Variants in CARS1 observed in about 807,000 individuals in gnomAD.
CARS1 encodes the protein cysteine--tRNA ligase, cytoplasmic.
A neutral mutation model predicts 106.2 loss-of-function variants in CARS1; 48 were observed. The ratio of observed to expected loss-of-function variants is 0.45; its 90% CI spans 0.36 to 0.57. The LOEUF is 0.57. Ranked by LOEUF, CARS1 falls within the 20% of genes least tolerant of loss-of-function variation. CARS1 has a pLI of 0.00. For synonymous variants in CARS1, 409 were observed against 403.4 expected, an observed-to-expected ratio of 1.01 and a Z score of -0.17; for missense variants, 968 against 1,057.2, an observed-to-expected ratio of 0.92 and a Z score of 1.17.
At chr11:3,005,292 A>G in intron 20 of CARS1, 74 bp downstream of exon 20, 1 of 1,131,854 alleles carries the variant, frequency 8.8e-7, no homozygotes, top group Non-Finnish European at 1.3e-6. Flanking sequence ...CTTAAAAAGT[A>G]AACTATGTAA....
rs1855544996 is a variant in CARS1, at chr11:3,050,427, T to G, written c.26-2426A>C. Among the ~76,000 whole-genome samples, 1 of 152,086 alleles carries G rather than the reference T, an allele frequency of 6.6e-6. No homozygotes were observed. Among genetic ancestry groups the G allele is most frequent in the South Asian group, 2.1e-4 (1 of 4,824 alleles). On this transcript the variant is annotated intron_variant, in intron 1 of 22. Coordinates refer to ENST00000380525, the MANE Select transcript of CARS1 (RefSeq NM_001014437.3). The surrounding 1 kb of genome is among the most constrained non-coding windows in gnomAD (Gnocchi z 6.3). ...TACAAGTTATCCTTAGGAGCACCCA[T>G]AGCCAACCCACGGGAGGATCCGGGG...
rs1365646285 is a variant in CARS1 at position 3,045,409 on chromosome 11, C to T, written c.274+2344G>A. Among the ~76,000 whole-genome samples, 1 of 152,128 alleles carries T rather than the reference C, an allele frequency of 6.6e-6. No individual in the cohort carries two copies. Among genetic ancestry groups the T allele is most frequent in the African/African-American group, 2.4e-5 (1 of 41,426 alleles). ...CCTCCCGAGTAGCTGGGACTATAGG[C>T]ACCCGCCATCACGCCCGGCTAATTT... On this transcript the variant is annotated intron_variant, in intron 2 of 22. Coordinates refer to ENST00000380525, the MANE Select transcript of CARS1 (RefSeq NM_001014437.3). This position sits in a 1 kb window ranked among gnomAD's most constrained non-coding sequence, Gnocchi z 5.6.
In CARS1 at chr11:3,048,143, G is replaced by GC; in HGVS notation, c.26-143dup. ...CCTGGACGCCAAACATCCAGAACAGGCAAAGGCACAGGGGCAGCGCTTCGA... is the reference window on the plus strand; with the variant it reads ...CCTGGACGCCAAACATCCAGAACAGGCCAAAGGCACAGGGGCAGCGCTTCGA... On this transcript the variant is annotated intron_variant, in intron 1 of 22. Coordinates refer to ENST00000380525, the MANE Select transcript of CARS1 (RefSeq NM_001014437.3). This position sits in a 1 kb window ranked among gnomAD's most constrained non-coding sequence, Gnocchi z 5.1. The GC allele has an allele frequency of 1.9e-6, 2 of 1,029,766 alleles. No individual in the cohort carries two copies. Among genetic ancestry groups the GC allele is most frequent in the Non-Finnish European group, 2.8e-6 (2 of 723,900 alleles). The allele number at this position is 1,029,766 out of a possible 1,614,324, so 63.8% of individuals were successfully genotyped here.
In CARS1 at chr11:3,029,632, T is replaced by C; in HGVS notation, c.802-189A>G. 3.4e-6 allele frequency: 2 copies of C among 591,518 alleles called. No individual in the cohort carries two copies. The highest frequency in any genetic ancestry group is 4.7e-5 in the South Asian group (2 of 42,736). 36.6% of individuals were successfully genotyped at this position (591,518 alleles called of 1,614,324 possible). A position where few individuals can be genotyped will look rare whatever the true frequency, so the allele number is the denominator to read the frequency against. ...CTCGGCAGGGACAAATACAAGACTCTACAAATGGGCAGGTCTCACATGAAC... is the reference window on the plus strand; with the variant it reads ...CTCGGCAGGGACAAATACAAGACTCCACAAATGGGCAGGTCTCACATGAAC... On this transcript the variant is annotated intron_variant, in intron 7 of 22. Transcript: ENST00000380525. This position sits in a 1 kb window ranked among gnomAD's most constrained non-coding sequence, Gnocchi z 5.9.
intron 1 of CARS1, among the ~76,000 whole-genome samples, chr11:3,051,468 G>C (rs1245736896): frequency 6.6e-6 from 1 of 152,138 alleles, no homozygotes; most frequent in Non-Finnish European, 1.5e-5. Flanking sequence ...GGACGGAGGC[G>C]GAGGCAGACC....
intron 18 of CARS1, 77 bp from the exon 19 acceptor site, chr11:3,007,036 G>A (rs185108599): frequency 1.3e-3 from 1,541 of 1,197,162 alleles, no homozygotes; most frequent in Non-Finnish European, 1.7e-3. Flanking sequence ...TCCAGTGCTG[G>A]GGAAGGAGGG....
rs1177752708 is a variant in CARS1, at chr11:3,019,823, C to G, written c.1266+397G>C. Among the ~76,000 whole-genome samples, 1 of 152,180 alleles carries G rather than the reference C, an allele frequency of 6.6e-6. No homozygotes were observed. The highest frequency in any genetic ancestry group is 1.5e-5 in the Non-Finnish European group (1 of 68,030). On this transcript the variant is annotated intron_variant, in intron 11 of 22. Transcript: ENST00000380525. This position sits in a 1 kb window ranked among gnomAD's most constrained non-coding sequence, Gnocchi z 6.2. ...TACATCCAGACCTCTGAGCCCTTGA[C>G]AGCTGCAGATGGTCACGCCCCTTCC...
intron 2 of CARS1, among the ~76,000 whole-genome samples, chr11:3,047,005 C>T (rs895474401): frequency 5.3e-5 from 8 of 152,224 alleles, no homozygotes; most frequent in African/African-American, 1.7e-4. Context: ...CGGCCGGGCG[C>T]GGTGGTTCAC....
intron 10 of CARS1, among the ~76,000 whole-genome samples, chr11:3,023,381 AACATACAT>A (rs539702382): frequency 1.3e-5 from 2 of 152,118 alleles, no homozygotes; most frequent in African/African-American, 4.8e-5. Flanking sequence ...TTGTTATTCA[AACATACAT>A]ACATACATAC....
rs1849599640 is a variant in CARS1 at position 3,003,655 on chromosome 11, G to T, written c.2218-1055C>A. On this transcript the variant is annotated intron_variant, in intron 20 of 22. Coordinates refer to ENST00000380525, the MANE Select transcript of CARS1 (RefSeq NM_001014437.3). This position sits in a 1 kb window ranked among gnomAD's most constrained non-coding sequence, Gnocchi z 4.8. ...GGATCGAGCTCTTTCGAGATAGATG[G>T]AGGGAGAGCAGGGCTGGCCGAGGGA... is the stretch of plus-strand genomic sequence containing the variant. Among the ~76,000 whole-genome samples the T allele has an allele frequency of 6.6e-6, 1 of 152,176 alleles. No individual in the cohort carries two copies.
In CARS1 at chr11:3,029,578, T is replaced by C. The variant is rs1354387315; in HGVS notation, c.802-135A>G. The C allele has an allele frequency of 3.6e-6, 3 of 842,610 alleles. No homozygotes were observed. The highest frequency in any genetic ancestry group is 3.6e-6 in the Non-Finnish European group (2 of 550,284). 52.2% of individuals were successfully genotyped at this position (842,610 alleles called of 1,614,324 possible). On this transcript the variant is annotated intron_variant, in intron 7 of 22. Coordinates refer to ENST00000380525, the MANE Select transcript of CARS1 (RefSeq NM_001014437.3). The surrounding 1 kb of genome is among the most constrained non-coding windows in gnomAD (Gnocchi z 5.9). ...TGACCTGTGAAGAGCCACCGTCTCCTAGGGAGACTGTGATGCTTACACAAC... is the reference window on the plus strand; with the variant it reads ...TGACCTGTGAAGAGCCACCGTCTCCCAGGGAGACTGTGATGCTTACACAAC...
Position 3,040,819 on chromosome 11 carries a change from C to G in CARS1, c.455+77G>C. On this transcript the variant is annotated intron_variant, in intron 4 of 22. Coordinates refer to ENST00000380525, the MANE Select transcript of CARS1 (RefSeq NM_001014437.3). The surrounding 1 kb of genome is among the most constrained non-coding windows in gnomAD (Gnocchi z 5.8). ...TCTAAGATCTTTGTGGACCTAAGATCGCTGCTGTGGATCCCAATGGCTCTG... is the reference window on the plus strand; with the variant it reads ...TCTAAGATCTTTGTGGACCTAAGATGGCTGCTGTGGATCCCAATGGCTCTG... 1 of 1,468,368 alleles carries G rather than the reference C, an allele frequency of 6.8e-7. No individual in the cohort carries two copies. The highest frequency in any genetic ancestry group is 9.4e-7 in the Non-Finnish European group (1 of 1,067,634). The allele number at this position is 1,468,368 out of a possible 1,614,324, so 91.0% of individuals were successfully genotyped here.
At chr11:3,054,147 C>A (rs1426258041) in intron 1 of CARS1, among the ~76,000 whole-genome samples, 3 of 152,202 alleles carry the variant, frequency 2.0e-5, no homozygotes, top group African/African-American at 7.2e-5. Context: ...CGCCTCCTCC[C>A]ACAGGTGAGG....
At position 3,044,052 on chromosome 11, in the gene CARS1, G is replaced by A. The variant is rs117930300; in HGVS notation, c.275-1796C>T. 2.9e-4 allele frequency among the ~76,000 whole-genome samples: 44 copies of A among 152,290 alleles called. No homozygotes were observed. In the East Asian group the frequency reaches 8.5e-3, roughly 29 times the overall value. The stretch of plus-strand genomic sequence containing the variant: ...CCCTTGAAGGAGAATCTCACTCAAT[G>A]CCTGGAGGCATTCAACCGGCCACTC... On this transcript the variant is annotated intron_variant, in intron 2 of 22. Transcript: ENST00000380525. The surrounding 1 kb of genome is among the most constrained non-coding windows in gnomAD (Gnocchi z 4.4).
intron 17 of CARS1, 136 bp from the exon 18 acceptor site, chr11:3,012,412 G>A (rs2855568): frequency 2.2e-5 from 16 of 727,144 alleles, no homozygotes; most frequent in South Asian, 1.8e-4. Context: ...AGCTGTGACC[G>A]GCATCCCAGA....
In CARS1 at chr11:3,039,742, G is replaced by C; in HGVS notation, c.552+93C>G. On this transcript the variant is annotated intron_variant, in intron 5 of 22. Coordinates refer to ENST00000380525, the MANE Select transcript of CARS1 (RefSeq NM_001014437.3). The surrounding 1 kb of genome is among the most constrained non-coding windows in gnomAD (Gnocchi z 5.6). ...GTTTATCAGGTGAAAACACAAGCTAGCTCAAGCCTACATTATTTACTTATG... is the reference window on the plus strand; with the variant it reads ...GTTTATCAGGTGAAAACACAAGCTACCTCAAGCCTACATTATTTACTTATG... 1 of 632,542 alleles carries C rather than the reference G, an allele frequency of 1.6e-6. No individual in the cohort carries two copies. The highest frequency in any genetic ancestry group is 2.7e-6 in the Non-Finnish European group (1 of 367,706). The allele number at this position is 632,542 out of a possible 1,614,324, so 39.2% of individuals were successfully genotyped here.
rs1012416579 is a variant in CARS1, at chr11:3,043,970, T to C, written c.275-1714A>G. ...AATCTCCAATCTTAATCAAACATCA[T>C]GTGCTTATTGAGGCCAAGTGCAGCT... On this transcript the variant is annotated intron_variant, in intron 2 of 22. Transcript: ENST00000380525. The surrounding 1 kb of genome is among the most constrained non-coding windows in gnomAD (Gnocchi z 4.0). Among the ~76,000 whole-genome samples, 2 of 152,122 alleles carry C rather than the reference T, an allele frequency of 1.3e-5. No individual in the cohort carries two copies. The highest frequency in any genetic ancestry group is 2.9e-5 in the Non-Finnish European group (2 of 68,016).
chr11:3,024,229 T>C (rs1465266290), intron 10 of CARS1, among the ~76,000 whole-genome samples: 1 of 152,164 alleles, frequency 6.6e-6, no homozygotes, highest in African/African-American at 2.4e-5. Context: ...AATAACTACA[T>C]TTAAAAACAT....
At chr11:3,001,939 G>A in intron 22 of CARS1, 31 bp downstream of exon 22, 1 of 1,521,022 alleles carries the variant, frequency 6.6e-7, no homozygotes, top group Non-Finnish European at 9.1e-7. Context: ...ATCAAGTTCT[G>A]AATAGAAGAG....
Sources: gnomAD v4.1 joint callset for allele counts (sites outside exome capture counted in the v4.1 genomes callset) on GRCh38, gnomAD v4.1.1 for gene constraint, Gnocchi (gnomAD v3.1) non-coding constraint, MANE v1.5 for transcripts, NCBI Gene and HGNC (gene_info 2026-07-23, HGNC 2026-07-21) for gene names.